The following MOCOS variants were observed in gnomAD, a reference collection of about 807,000 sequenced individuals.
MOCOS encodes human molybdenum cofactor sulfurase.
In MOCOS, 86 loss-of-function variants were observed where a neutral mutation model predicts 83.6. The ratio of observed to expected loss-of-function variants is 1.03; its 90% CI spans 0.86 to 1.23. The LOEUF (loss-of-function observed/expected upper bound fraction) is 1.23. Ranked by LOEUF, MOCOS falls within the 50% of genes most tolerant of loss-of-function variation. The probability of loss-of-function intolerance (pLI) is 0.00; values close to 1 mark genes in which losing one functional copy is unlikely to be tolerated. For missense variants in MOCOS, 1,120 were observed against 1,126.9 expected (o/e 0.99, Z 0.09); for synonymous variants, 445 against 434.7 (o/e 1.02, Z -0.29).
chr18:36,259,892 T>TCAAA, intron 12 of MOCOS, 145 bp from the exon 13 acceptor site: 1 of 1,169,538 alleles, frequency 8.6e-7, no homozygotes, highest in East Asian at 2.4e-5. Context: ...GCACTCATGG[T>TCAAA]AAAAGTCTGT....
chr18:36,258,974 T>C (rs550644351), intron 12 of MOCOS, among the ~76,000 whole-genome samples: 2 of 151,618 alleles, frequency 1.3e-5, no homozygotes, highest in East Asian at 1.9e-4. Context: ...TCTTTCACCA[T>C]AGCTAGTTTC....
intron 11 of MOCOS, among the ~76,000 whole-genome samples, chr18:36,251,842 A>G (rs924772168): frequency 6.6e-6 from 1 of 152,100 alleles, no homozygotes; most frequent in Admixed American, 6.5e-5. Context: ...AGAAAAGATC[A>G]TTTTCATGTG....
At chr18:36,262,250 T>TCCACACACACACAC (rs368893410) in intron 13 of MOCOS, among the ~76,000 whole-genome samples, 1 of 127,824 alleles carries the variant, frequency 7.8e-6, no homozygotes. Flanking sequence ...CGTCTCTCTC[T>TCCACACACACACAC]ACACACACAC....
Position 36,251,283 on chromosome 18 carries a change from G to T in MOCOS, c.2164G>T (p.Asp722Tyr). The T allele has an allele frequency of 6.2e-7, 1 of 1,613,988 alleles. No homozygotes were observed. Among genetic ancestry groups the T allele is most frequent in the Non-Finnish European group, 8.5e-7 (1 of 1,179,958 alleles). The change falls in exon 11 of 15, where the codon GAT becomes TAT. Residue 722 changes from aspartate (D) to tyrosine (Y), a missense_variant and splice_region_variant. Coordinates refer to ENST00000261326, the MANE Select transcript of MOCOS (RefSeq NM_017947.4). ...GAATGCAAAGAAGAAACATGGAAAA[G>T]GTATTACATTTTGAATTGGTTCGTA... ...QRNAKKKHGK[D>Y]QLPGTMATLS...
At chr18:36,214,244 C>CAAAAAAAAAAAAAAA (rs33965546) in intron 7 of MOCOS, among the ~76,000 whole-genome samples, 4 of 91,358 alleles carry the variant, frequency 4.4e-5, no homozygotes, top group African/African-American at 9.1e-5. Context: ...AACTCAGTCT[C>CAAAAAAAAAAAAAAA]AAAAAAAAAA....
intron 1 of MOCOS, among the ~76,000 whole-genome samples, chr18:36,192,367 TAATAA>T (rs2091369206): frequency 6.6e-6 from 1 of 152,108 alleles, no homozygotes; most frequent in East Asian, 1.9e-4. Flanking sequence ...GCATCAAAAA[TAATAA>T]AATACACAGA....
chr18:36,229,359 G>T (rs192068494), intron 9 of MOCOS, among the ~76,000 whole-genome samples: 1 of 152,058 alleles, frequency 6.6e-6, no homozygotes, highest in East Asian at 1.9e-4. Flanking sequence ...CAAAATTTCT[G>T]CTGAAAAAAA....
intron 9 of MOCOS, among the ~76,000 whole-genome samples, chr18:36,233,360 TTTTAATGGCTGAGTAGTATTCCA>T (rs1190205901): frequency 6.6e-6 from 1 of 152,236 alleles, no homozygotes; most frequent in Non-Finnish European, 1.5e-5. Context: ...ATTTAGTTCC[TTTTAATGGCTGAGTAGTATTCCA>T]TGGTGTTTGT....
intron 9 of MOCOS, among the ~76,000 whole-genome samples, chr18:36,243,785 A>T (rs1424271626): frequency 6.6e-6 from 1 of 152,062 alleles, no homozygotes; most frequent in Non-Finnish European, 1.5e-5. Flanking sequence ...TTACCATTTC[A>T]GTCTCGCTAC....
chr18:36,241,876 C>T (rs2091584675), intron 9 of MOCOS, among the ~76,000 whole-genome samples: 1 of 152,248 alleles, frequency 6.6e-6, no homozygotes, highest in Non-Finnish European at 1.5e-5. Context: ...CCAAGTTGTA[C>T]CTTGGCCCTT....
chr18:36,255,626 G>A (rs1428942045), intron 11 of MOCOS, among the ~76,000 whole-genome samples: 1 of 152,100 alleles, frequency 6.6e-6, no homozygotes, highest in East Asian at 1.9e-4. Context: ...AGCCGTTTTA[G>A]CAAAGAGGAT....
intron 9 of MOCOS, among the ~76,000 whole-genome samples, 157 bp downstream of exon 9, chr18:36,220,374 G>C (rs1180668461): frequency 6.6e-6 from 1 of 151,878 alleles, no homozygotes; most frequent in African/African-American, 2.4e-5. Flanking sequence ...CTGGGTGTGG[G>C]AGCACGTGCC....
At chr18:36,250,152 T>C (rs1375244801) in intron 10 of MOCOS, among the ~76,000 whole-genome samples, 1 of 152,140 alleles carries the variant, frequency 6.6e-6, no homozygotes, top group Admixed American at 6.6e-5. Context: ...CCCCCGCCCA[T>C]ATACTAAAAC....
chr18:36,247,647 T>C (rs1316310193), intron 9 of MOCOS, among the ~76,000 whole-genome samples: 3 of 152,206 alleles, frequency 2.0e-5, no homozygotes, highest in Non-Finnish European at 4.4e-5. Context: ...TAGGTAAGGG[T>C]AAATCTTTCC....
chr18:36,203,006 C>G lies in MOCOS; in HGVS notation c.942-107C>G. 3 of 1,116,992 alleles carry G rather than the reference C, an allele frequency of 2.7e-6. No homozygotes were observed. In the South Asian group the frequency reaches 3.8e-5, roughly 14 times the overall value. The allele number at this position is 1,116,992 out of a possible 1,614,324, so 69.2% of individuals were successfully genotyped here. ...ATTTAGGTGGAGACATAAAGCCAAA[C>G]CACATCAACAGCTAAGCCTAAAATC... On this transcript the variant is annotated intron_variant, in intron 4 of 14. Transcript: ENST00000261326.
intron 9 of MOCOS, 69 bp from the exon 10 acceptor site, chr18:36,248,853 T>G: frequency 7.8e-7 from 1 of 1,274,282 alleles, no homozygotes; most frequent in Non-Finnish European, 1.1e-6. Flanking sequence ...AGCTTTGTAG[T>G]ATATTTTGAA....
intron 13 of MOCOS, among the ~76,000 whole-genome samples, chr18:36,261,843 A>G (rs1292057891): frequency 6.6e-6 from 1 of 152,110 alleles, no homozygotes; most frequent in Non-Finnish European, 1.5e-5. Flanking sequence ...GCCTACTGTT[A>G]CACATCCTGC....
chr18:36,269,244 C>CAAAG lies in MOCOS; in HGVS notation c.*560_*563dup, dbSNP rs1448198609. ...TCTACCAGAATATTTATATTCTGAGCAAAGGCACAGGCCAGCAATTCCTTT... is the reference window on the plus strand; with the variant it reads ...TCTACCAGAATATTTATATTCTGAGCAAAGAAAGGCACAGGCCAGCAATTCCTTT... On this transcript the variant is annotated 3_prime_UTR_variant, in exon 15 of 15. Transcript: ENST00000261326. The CAAAG allele has an allele frequency of 1.9e-5, 3 of 157,700 alleles. No homozygotes were observed. The highest frequency in any genetic ancestry group is 2.4e-5 in the African/African-American group (1 of 41,464). The allele number at this position is 157,700 out of a possible 1,614,324, so 9.8% of individuals were successfully genotyped here. A position where few individuals can be genotyped will look rare whatever the true frequency, so the allele number is the denominator to read the frequency against.
At position 36,199,692 on chromosome 18, in the gene MOCOS, G is replaced by A. The variant is rs149639104; in HGVS notation, c.309G>A (p.Ala103=). 9,426 of 1,613,594 alleles carry A rather than the reference G, an allele frequency of 5.8e-3. 61 individuals are homozygous for A. The highest frequency in any genetic ancestry group is 0.019 in the South Asian group (1,749 of 91,050). The change falls in exon 4 of 15, where the codon GCG becomes GCA. Residue 103 remains alanine, a synonymous_variant. Coordinates refer to ENST00000261326, the MANE Select transcript of MOCOS (RefSeq NM_017947.4). ...TVEQVRYRIL[A]HFHTTAEDYT... ...GCTGTGCTTCTTCCAGAATCCTGGC[G>A]CACTTCCACACCACCGCAGAAGACT...
Sources: allele counts gnomAD v4.1 joint callset (sites outside exome capture counted in the v4.1 genomes callset), GRCh38; gene constraint gnomAD v4.1.1; transcripts MANE v1.5; gene names NCBI Gene and HGNC (gene_info 2026-07-23, HGNC 2026-07-21).